SPECC1: variants seen among roughly 807,000 people sequenced by gnomAD.
SPECC1 encodes cytospin-B.
Under a neutral mutation model 104.1 loss-of-function variants are expected in SPECC1, and 62 were observed. The ratio of observed to expected loss-of-function variants is 0.60; its 90% CI spans 0.49 to 0.74. The LOEUF is 0.74. Ranked by LOEUF, SPECC1 falls within the 30% of genes least tolerant of loss-of-function variation. The pLI is 0.00. For synonymous variants in SPECC1, 513 were observed against 501.6 expected, an observed-to-expected ratio of 1.02 and a Z score of -0.30; for missense variants, 1,306 against 1,310.5, an observed-to-expected ratio of 1.00 and a Z score of 0.05.
At chr17:20,242,255 G>T (rs1377867022) in intron 7 of SPECC1, among the ~76,000 whole-genome samples, 2 of 152,210 alleles carry the variant, frequency 1.3e-5, no homozygotes, top group East Asian at 1.9e-4. Flanking sequence ...TGAAAACTCT[G>T]TTCTCTAACA....
At chr17:20,221,497 G>T (rs2037872035) in intron 4 of SPECC1, among the ~76,000 whole-genome samples, 1 of 151,968 alleles carries the variant, frequency 6.6e-6, no homozygotes, top group Non-Finnish European at 1.5e-5. Context: ...CGGTAGTATT[G>T]GTTGCAATAT....
intron 3 of SPECC1, chr17:20,155,876 A>G: frequency 9.1e-7 from 1 of 1,093,540 alleles, no homozygotes; most frequent in Non-Finnish European, 1.1e-6. Flanking sequence ...AATACAGATG[A>G]GGTGGGCGGA....
At chr17:20,125,469 G>C (rs138631292) in intron 3 of SPECC1, among the ~76,000 whole-genome samples, 222 of 152,274 alleles carry the variant, frequency 1.5e-3, no homozygotes, top group Middle Eastern at 6.8e-3. Flanking sequence ...ATGTAATTCA[G>C]GGGCAATGCT....
At chr17:20,298,948 A>AGAGTGTGTGTGTGTGTGTGT in intron 13 of SPECC1, among the ~76,000 whole-genome samples, 43 of 49,062 alleles carry the variant, frequency 8.8e-4, no homozygotes, top group East Asian at 8.3e-3. Context: ...AGAGAGAGAG[A>AGAGTGTGTGTGTGTGTGTGT]GTGTGTGTGT....
intron 4 of SPECC1, among the ~76,000 whole-genome samples, chr17:20,213,628 G>GT (rs1166380438): frequency 1.3e-5 from 2 of 152,170 alleles, no homozygotes; most frequent in Non-Finnish European, 2.9e-5. Context: ...ATGTTATTTT[G>GT]TTTGACCTCT....
chr17:20,011,957 A>G (rs2043958841), intron 1 of SPECC1, among the ~76,000 whole-genome samples: 1 of 152,154 alleles, frequency 6.6e-6, no homozygotes, highest in South Asian at 2.1e-4. Context: ...CCTCAAGTAC[A>G]TTCTTTAGAA....
At chr17:20,186,594 A>G (rs1308518484) in intron 3 of SPECC1, among the ~76,000 whole-genome samples, 1 of 152,128 alleles carries the variant, frequency 6.6e-6, no homozygotes, top group East Asian at 1.9e-4. Flanking sequence ...ACAGGGTCTC[A>G]CTCCCATCGC....
At chr17:20,105,350 C>A (rs1002871769) in intron 2 of SPECC1, among the ~76,000 whole-genome samples, 1 of 152,214 alleles carries the variant, frequency 6.6e-6, no homozygotes, top group South Asian at 2.1e-4. Flanking sequence ...TTGCCTTGGC[C>A]TTCAAATGTT....
chr17:20,306,209 T>C, intron 14 of SPECC1, 127 bp downstream of exon 14: 1 of 737,244 alleles, frequency 1.4e-6, no homozygotes, highest in East Asian at 2.6e-5. Flanking sequence ...TCTCAATACC[T>C]AATATAGAGT....
chr17:20,028,648 A>G (rs1364126077), intron 1 of SPECC1, among the ~76,000 whole-genome samples: 1 of 152,016 alleles, frequency 6.6e-6, no homozygotes, highest in African/African-American at 2.4e-5. Context: ...CAAGTGAGTC[A>G]TCCTATATTT....
chr17:20,272,621 G>A (rs189339876), intron 12 of SPECC1, among the ~76,000 whole-genome samples: 207 of 152,202 alleles, frequency 1.4e-3, no homozygotes, highest in African/African-American at 4.2e-3. Context: ...CCATATAAAC[G>A]GAATCATACA....
chr17:20,183,653 G>A (rs1379752216), intron 3 of SPECC1, among the ~76,000 whole-genome samples: 1 of 152,136 alleles, frequency 6.6e-6, no homozygotes, highest in Non-Finnish European at 1.5e-5. Flanking sequence ...TTTAAATGAT[G>A]TCCAGATTAC....
At chr17:20,265,728 C>CTTATATTTAAATTAAA (rs1242542021) in intron 12 of SPECC1, among the ~76,000 whole-genome samples, 2 of 152,134 alleles carry the variant, frequency 1.3e-5, no homozygotes, top group Non-Finnish European at 2.9e-5. Flanking sequence ...AGTTCGAAGT[C>CTTATATTTAAATTAAA]TTATATTTAA....
intron 11 of SPECC1, among the ~76,000 whole-genome samples, chr17:20,259,021 A>C (rs941287081): frequency 6.6e-6 from 1 of 152,266 alleles, no homozygotes; most frequent in African/African-American, 2.4e-5. Flanking sequence ...AAAACTTACG[A>C]GTGAGTAGAT....
intron 2 of SPECC1, among the ~76,000 whole-genome samples, chr17:20,106,523 C>G (rs775806751): frequency 2.0e-5 from 3 of 152,060 alleles, no homozygotes; most frequent in Non-Finnish European, 4.4e-5. Flanking sequence ...ATTTTAGCTC[C>G]CATAATCCCC....
intron 3 of SPECC1, among the ~76,000 whole-genome samples, chr17:20,116,192 A>C (rs1338209756): frequency 6.6e-6 from 1 of 152,058 alleles, no homozygotes; most frequent in East Asian, 1.9e-4. Flanking sequence ...GTTTCACGCC[A>C]TTCTCCTGCC....
At chr17:20,058,006 A>T (rs553102673) in intron 1 of SPECC1, among the ~76,000 whole-genome samples, 3 of 152,266 alleles carry the variant, frequency 2.0e-5, no homozygotes, top group Admixed American at 2.0e-4. Flanking sequence ...AGCTGCCTAC[A>T]TTGCAGTTTG....
intron 2 of SPECC1, among the ~76,000 whole-genome samples, chr17:20,102,836 A>G (rs1597704665): frequency 6.6e-6 from 1 of 152,212 alleles, no homozygotes; most frequent in East Asian, 1.9e-4. Context: ...AACAATAGTA[A>G]AAACAATAAT....
At position 20,282,565 on chromosome 17, in the gene SPECC1, C is replaced by G. The variant is rs1032775183; in HGVS notation, c.2941-14396C>G. 2.0e-5 allele frequency among the ~76,000 whole-genome samples: 3 copies of G among 152,262 alleles called. No homozygotes were observed. In the South Asian group the frequency reaches 6.2e-4, roughly 32 times the overall value. ...TTAAAAATTCACCTGGAAGAATAAG[C>G]AACTAAGAAGAGCCAAAAAAGTTTA... is the stretch of plus-strand genomic sequence containing the variant. On this transcript the variant is annotated intron_variant, in intron 12 of 14. Transcript: ENST00000395527.
Sources: allele counts gnomAD v4.1 joint callset (sites outside exome capture counted in the v4.1 genomes callset), GRCh38; gene constraint gnomAD v4.1.1; transcripts MANE v1.5; gene names NCBI Gene and HGNC (gene_info 2026-07-23, HGNC 2026-07-21).